ZHX2: variants seen among roughly 807,000 people sequenced by gnomAD.
ZHX2 encodes zinc fingers and homeoboxes protein 2.
ZHX2 carries 6 observed loss-of-function variants against 21.9 expected under a neutral mutation model. The observed-to-expected ratio is 0.27, with a 90% CI of 0.15 to 0.54. ZHX2 has a LOEUF of 0.54. Among genes scored for constraint, ZHX2 ranks in the 20% least tolerant of loss-of-function variants. The pLI, the probability that ZHX2 is intolerant of heterozygous loss-of-function variation, is 0.95. For missense variants in ZHX2, 908 were observed against 1,090.7 expected, an observed-to-expected ratio of 0.83 and a Z score of 2.36; for synonymous variants, 434 against 437.1, an observed-to-expected ratio of 0.99 and a Z score of 0.09.
intron 1 of ZHX2, among the ~76,000 whole-genome samples, chr8:122,803,726 G>A (rs188871799): frequency 2.0e-4 from 30 of 152,300 alleles, no homozygotes; most frequent in African/African-American, 6.7e-4. Context: ...TGAAATGGTC[G>A]TGTTTTTTTC....
At chr8:122,831,562 A>G (rs1818376249) in intron 1 of ZHX2, among the ~76,000 whole-genome samples, 1 of 152,176 alleles carries the variant, frequency 6.6e-6, no homozygotes, top group Non-Finnish European at 1.5e-5. Context: ...AGTAAAGCGG[A>G]GAGAACAAGG....
At chr8:122,868,529 G>A (rs1477482055) in intron 2 of ZHX2, among the ~76,000 whole-genome samples, 4 of 151,588 alleles carry the variant, frequency 2.6e-5, no homozygotes, top group African/African-American at 7.3e-5. Context: ...GTGAAACCCC[G>A]TCTCTACTAA....
intron 1 of ZHX2, among the ~76,000 whole-genome samples, chr8:122,862,529 C>A (rs1026049220): frequency 3.3e-5 from 5 of 152,178 alleles, no homozygotes; most frequent in African/African-American, 1.2e-4. Flanking sequence ...TCTGTGTGTG[C>A]AGCAAGCTCC....
At chr8:122,891,599 T>C (rs1465913214) in intron 2 of ZHX2, among the ~76,000 whole-genome samples, 2 of 152,198 alleles carry the variant, frequency 1.3e-5, no homozygotes, top group Non-Finnish European at 2.9e-5. Flanking sequence ...TTTTGCTGTA[T>C]CCCATAGGTT....
At chr8:122,784,589 T>C (rs571239317) in intron 1 of ZHX2, among the ~76,000 whole-genome samples, 1 of 152,370 alleles carries the variant, frequency 6.6e-6, no homozygotes, top group East Asian at 1.9e-4. Flanking sequence ...CTGGATTTTA[T>C]TCCTTTATTC....
At chr8:122,800,359 G>A (rs937596018) in intron 1 of ZHX2, among the ~76,000 whole-genome samples, 7 of 152,164 alleles carry the variant, frequency 4.6e-5, no homozygotes, top group African/African-American at 1.7e-4. Flanking sequence ...CAGAGTAATG[G>A]TTGTCCCTAG....
chr8:122,855,677 C>G (rs928339310), intron 1 of ZHX2, among the ~76,000 whole-genome samples: 1 of 151,824 alleles, frequency 6.6e-6, no homozygotes, highest in African/African-American at 2.4e-5. Context: ...AGAAGTTTAG[C>G]GAGAATCATT....
chr8:122,839,544 C>G (rs1818577550), intron 1 of ZHX2, among the ~76,000 whole-genome samples: 1 of 152,104 alleles, frequency 6.6e-6, no homozygotes, highest in Non-Finnish European at 1.5e-5. Context: ...TTGCAATTAG[C>G]AAAGCACACT....
chr8:122,932,562 G>A (rs976557888), intron 2 of ZHX2, among the ~76,000 whole-genome samples: 22 of 152,156 alleles, frequency 1.4e-4, no homozygotes, highest in Non-Finnish European at 2.2e-4. Flanking sequence ...CCCAGGAGGC[G>A]AAGGTTGCAG....
intron 2 of ZHX2, among the ~76,000 whole-genome samples, chr8:122,942,463 T>A (rs16897789): frequency 0.039 from 5,924 of 152,248 alleles, 396 homozygotes; most frequent in African/African-American, 0.14. Flanking sequence ...AGACGTGGCA[T>A]CCCTGTCAAA....
chr8:122,862,409 A>C (rs896031413), intron 1 of ZHX2, among the ~76,000 whole-genome samples: 1 of 152,214 alleles, frequency 6.6e-6, no homozygotes, highest in Non-Finnish European at 1.5e-5. Context: ...CGTGATTAAG[A>C]GAATGATACA....
Position 122,782,482 on chromosome 8 carries a change from G to A in ZHX2, c.-283+536G>A, listed in dbSNP as rs1301315474. Reference sequence around the variant, plus strand: ...CCGTCTCCGCGCGTTTTGGCAGGCGGGGGGCTGCGTGTGTCTGCTCCCCTC... The same window carrying A: ...CCGTCTCCGCGCGTTTTGGCAGGCGAGGGGCTGCGTGTGTCTGCTCCCCTC... On this transcript the variant is annotated intron_variant, in intron 1 of 3. Coordinates refer to ENST00000314393, the MANE Select transcript of ZHX2 (RefSeq NM_014943.5). The surrounding 1 kb of genome is among the most constrained non-coding windows in gnomAD (Gnocchi z 5.3). Among the ~76,000 whole-genome samples, 3 of 152,128 alleles carry A rather than the reference G, an allele frequency of 2.0e-5. No individual in the cohort carries two copies. Among genetic ancestry groups the A allele is most frequent in the African/African-American group, 7.2e-5 (3 of 41,444 alleles).
At chr8:122,855,823 TC>T (rs761916149) in intron 1 of ZHX2, among the ~76,000 whole-genome samples, 79 of 152,204 alleles carry the variant, frequency 5.2e-4, no homozygotes, top group Non-Finnish European at 1.1e-3. Flanking sequence ...CCTTCTGTAT[TC>T]CCAGCTACCA....
chr8:122,919,104 C>T (rs1820675381), intron 2 of ZHX2, among the ~76,000 whole-genome samples: 1 of 152,222 alleles, frequency 6.6e-6, no homozygotes, highest in Non-Finnish European at 1.5e-5. Flanking sequence ...GGTAGTCTCA[C>T]TTAGCCAGGC....
At chr8:122,871,519 G>T (rs1453507313) in intron 2 of ZHX2, among the ~76,000 whole-genome samples, 1 of 123,332 alleles carries the variant, frequency 8.1e-6, no homozygotes, top group African/African-American at 3.1e-5. Flanking sequence ...CACACACCGG[G>T]GCCTGTTGTG....
chr8:122,951,510 C>T lies in ZHX2; in HGVS notation c.-1C>T. ...TAAGCCATTGCACACAGACAGGCAGCATGGCTAGCAAACGAAAATCTACAA... is the reference window on the plus strand; with the variant it reads ...TAAGCCATTGCACACAGACAGGCAGTATGGCTAGCAAACGAAAATCTACAA... On this transcript the variant is annotated 5_prime_UTR_variant, in exon 3 of 4. Transcript: ENST00000314393. 2 of 1,609,416 alleles carry T rather than the reference C, an allele frequency of 1.2e-6. No homozygotes were observed. Among genetic ancestry groups the T allele is most frequent in the Non-Finnish European group, 8.5e-7 (1 of 1,177,254 alleles).
chr8:122,873,271 G>C (rs1195091288), intron 2 of ZHX2, among the ~76,000 whole-genome samples: 1 of 152,252 alleles, frequency 6.6e-6, no homozygotes, highest in Non-Finnish European at 1.5e-5. Context: ...TTGTGGCCCA[G>C]AACACATGTG....
At position 122,953,244 on chromosome 8, in the gene ZHX2, G is replaced by T. The variant is rs34092125; in HGVS notation, c.1734G>T (p.Ser578=). The part of the protein sequence containing the change: ...LSRREIDSWF[S]ERRKLRDSME... ...GGAGAGAGATCGACTCCTGGTTCTC[G>T]GAGAGGCGGAAGCTTCGAGACAGCA... Residue 578 remains serine, a synonymous_variant, in exon 3 of 4, where the codon TCG becomes TCT. Coordinates refer to ENST00000314393, the MANE Select transcript of ZHX2 (RefSeq NM_014943.5). This position sits in a 1 kb window ranked among gnomAD's most constrained non-coding sequence, Gnocchi z 4.6. 4 of 1,613,840 alleles carry T rather than the reference G, an allele frequency of 2.5e-6. No individual in the cohort carries two copies. The highest frequency in any genetic ancestry group is 8.5e-7 in the Non-Finnish European group (1 of 1,180,000).
At chr8:122,792,151 A>T (rs910611827) in intron 1 of ZHX2, among the ~76,000 whole-genome samples, 4 of 151,890 alleles carry the variant, frequency 2.6e-5, no homozygotes, top group Admixed American at 2.6e-4. Flanking sequence ...CTCCCCGCCC[A>T]CCTTAGCCCA....
Sources: gnomAD v4.1 joint callset for allele counts (sites outside exome capture counted in the v4.1 genomes callset) on GRCh38, gnomAD v4.1.1 for gene constraint, Gnocchi (gnomAD v3.1) non-coding constraint, MANE v1.5 for transcripts, NCBI Gene and HGNC (gene_info 2026-07-23, HGNC 2026-07-21) for gene names.